The following GMDS variants were observed in gnomAD, a reference collection of about 807,000 sequenced individuals.
GMDS encodes GDP-mannose 4,6-dehydratase.
GMDS carries 20 observed loss-of-function variants against 49.9 expected under a neutral mutation model. The ratio of observed to expected loss-of-function variants is 0.40; its 90% confidence interval spans 0.28 to 0.58. GMDS has a LOEUF of 0.58. Among genes scored for constraint, GMDS ranks in the 20% least tolerant of loss-of-function variants. The pLI is 0.42. For missense variants in GMDS, 362 were observed against 481.4 expected (o/e 0.75, Z 2.32); for synonymous variants, 177 against 178.6 (o/e 0.99, Z 0.07).
intron 8 of GMDS, 91 bp downstream of exon 8, chr6:1,742,377 G>C (rs1473966303): frequency 1.1e-5 from 8 of 725,210 alleles, no homozygotes; most frequent in Middle Eastern, 2.4e-4. Context: ...GAGAGTGAAG[G>C]GGGAAGATGA....
chr6:2,105,903 T>C (rs886779337), intron 4 of GMDS, among the ~76,000 whole-genome samples: 6 of 152,160 alleles, frequency 3.9e-5, no homozygotes, highest in Admixed American at 3.9e-4. Flanking sequence ...TCACTTTAAT[T>C]ATCAACACTA....
intron 1 of GMDS, among the ~76,000 whole-genome samples, chr6:2,175,388 C>A (rs1440418166): frequency 2.0e-5 from 3 of 152,214 alleles, no homozygotes; most frequent in East Asian, 3.9e-4. Context: ...AGAGGAAATT[C>A]TTTTCCAAGA....
intron 7 of GMDS, among the ~76,000 whole-genome samples, chr6:1,881,555 T>C (rs547912290): frequency 1.2e-4 from 19 of 152,216 alleles, no homozygotes; most frequent in Non-Finnish European, 2.5e-4. Flanking sequence ...AATAAGTGAA[T>C]CTGAAGAAAT....
At chr6:2,030,606 T>C (rs1293625950) in intron 4 of GMDS, among the ~76,000 whole-genome samples, 1 of 152,296 alleles carries the variant, frequency 6.6e-6, no homozygotes, top group South Asian at 2.1e-4. Flanking sequence ...ATGAATGACA[T>C]GTGCACACAG....
intron 9 of GMDS, among the ~76,000 whole-genome samples, chr6:1,653,094 G>C (rs887546279): frequency 2.0e-5 from 3 of 151,866 alleles, no homozygotes; most frequent in Non-Finnish European, 4.4e-5. Flanking sequence ...ACAGATGCAT[G>C]CCTCCCTCCA....
At chr6:1,931,902 G>A (rs965761215) in intron 6 of GMDS, among the ~76,000 whole-genome samples, 18 of 152,210 alleles carry the variant, frequency 1.2e-4, no homozygotes, top group Non-Finnish European at 2.4e-4. Context: ...TAAGCACTGA[G>A]CTAGGCACTG....
At chr6:2,089,322 T>C (rs989549603) in intron 4 of GMDS, among the ~76,000 whole-genome samples, 8 of 151,952 alleles carry the variant, frequency 5.3e-5, no homozygotes, top group African/African-American at 1.5e-4. Flanking sequence ...AAAAATAAAA[T>C]TAAAGTCAAC....
intron 4 of GMDS, among the ~76,000 whole-genome samples, chr6:2,054,678 C>T (rs770150291): frequency 4.0e-5 from 6 of 151,822 alleles, no homozygotes; most frequent in African/African-American, 1.2e-4. Context: ...CTAAAACAAA[C>T]GAAGTATGAT....
At chr6:2,024,588 T>A (rs1768470395) in intron 4 of GMDS, among the ~76,000 whole-genome samples, 1 of 151,938 alleles carries the variant, frequency 6.6e-6, no homozygotes, top group Non-Finnish European at 1.5e-5. Context: ...AGTATGCATG[T>A]TAAAGTTAAC....
At chr6:1,807,077 G>A (rs192392720) in intron 7 of GMDS, among the ~76,000 whole-genome samples, 1 of 151,988 alleles carries the variant, frequency 6.6e-6, no homozygotes, top group Non-Finnish European at 1.5e-5. Context: ...GGGTCTTGCT[G>A]TGTTGTCCAG....
In GMDS at chr6:2,120,058, A is replaced by G. The variant is rs1775056150; in HGVS notation, c.148-2502T>C. ...TCTCTTGGAGGCAAGGACGACTCCC[A>G]GGGATGGTTAATGTCACTCACCTTT... On this transcript the variant is annotated intron_variant, in intron 2 of 10. Transcript: ENST00000380815. 2.0e-5 allele frequency among the ~76,000 whole-genome samples: 3 copies of G among 152,238 alleles called. No individual in the cohort carries two copies. The South Asian group carries it at 6.2e-4, about 31-fold the overall frequency.
chr6:2,185,479 T>C (rs1001400191), intron 1 of GMDS, among the ~76,000 whole-genome samples: 1 of 152,218 alleles, frequency 6.6e-6, no homozygotes, highest in African/African-American at 2.4e-5. Context: ...ATACCAACTC[T>C]GAGGATCCAA....
At chr6:1,940,188 T>TGCAC (rs1327817423) in intron 6 of GMDS, among the ~76,000 whole-genome samples, 1 of 152,188 alleles carries the variant, frequency 6.6e-6, no homozygotes, top group Non-Finnish European at 1.5e-5. Flanking sequence ...CATGCATGCA[T>TGCAC]GCATACATAC....
At chr6:2,004,545 T>A (rs971299204) in intron 4 of GMDS, among the ~76,000 whole-genome samples, 4 of 152,164 alleles carry the variant, frequency 2.6e-5, no homozygotes, top group African/African-American at 9.6e-5. Flanking sequence ...ACCAGGGAAG[T>A]CTGACAGCTC....
chr6:2,011,509 CG>C (rs1332766961), intron 4 of GMDS, among the ~76,000 whole-genome samples: 10 of 152,124 alleles, frequency 6.6e-5, no homozygotes. Flanking sequence ...ATGTTTATCA[CG>C]GAACTATTCA....
chr6:2,110,546 C>T (rs898498860), intron 4 of GMDS, among the ~76,000 whole-genome samples: 1 of 152,142 alleles, frequency 6.6e-6, no homozygotes, highest in Non-Finnish European at 1.5e-5. Context: ...TCAACTCTGC[C>T]TCCTGACTGG....
At chr6:1,834,487 C>T (rs1186612545) in intron 7 of GMDS, among the ~76,000 whole-genome samples, 1 of 152,104 alleles carries the variant, frequency 6.6e-6, no homozygotes, top group Non-Finnish European at 1.5e-5. Context: ...GAGTCGGCAA[C>T]TCCCTTTCAT....
chr6:1,726,035 A>G (rs980114904), intron 9 of GMDS, among the ~76,000 whole-genome samples: 1 of 152,214 alleles, frequency 6.6e-6, no homozygotes, highest in Non-Finnish European at 1.5e-5. Flanking sequence ...AGACATAGAC[A>G]TAGCTGGAGA....
chr6:2,126,646 C>T (rs1329288068), intron 1 of GMDS, among the ~76,000 whole-genome samples: 2 of 151,994 alleles, frequency 1.3e-5, no homozygotes, highest in Admixed American at 6.5e-5. Context: ...TCTTCTTCTT[C>T]TTTTTTAAGA....
Sources: gnomAD v4.1 joint callset for allele counts (sites outside exome capture counted in the v4.1 genomes callset) on GRCh38, gnomAD v4.1.1 for gene constraint, MANE v1.5 for transcripts, NCBI Gene and HGNC (gene_info 2026-07-23, HGNC 2026-07-21) for gene names.